The following SH2B1 variants were observed in gnomAD, a reference collection of about 807,000 sequenced individuals.
SH2B1 encodes SH2B adapter protein 1.
SH2B1 carries 15 observed loss-of-function variants against 62.6 expected under a neutral mutation model. That is an observed-to-expected ratio of 0.24 (90% CI 0.16 to 0.37). The LOEUF (loss-of-function observed/expected upper bound fraction) is 0.37, where lower values mean the gene tolerates loss of function less well. SH2B1 is among the 10% of genes least tolerant of loss of function. The pLI is 1.00. For synonymous variants in SH2B1, 443 were observed against 438.0 expected (o/e 1.01, Z -0.14); for missense variants, 925 against 1,015.6 (o/e 0.91, Z 1.21).
upstream of SH2B1, chr16:28,863,346 G>GTA (rs897218379): frequency 4.6e-5 from 11 of 240,692 alleles, no homozygotes; most frequent in South Asian, 1.3e-4. Context: ...AACCAAGGTC[G>GTA]TAAGTTCAGG....
At chr16:28,853,430 C>G (rs982202533) in intron 1 of SH2B1, among the ~76,000 whole-genome samples, 1 of 149,974 alleles carries the variant, frequency 6.7e-6, no homozygotes, top group Non-Finnish European at 1.5e-5. Context: ...GTCTCGAACT[C>G]CTGACCTCAT....
At chr16:28,851,826 T>C (rs1596608912) in intron 1 of SH2B1, among the ~76,000 whole-genome samples, 2 of 146,060 alleles carry the variant, frequency 1.4e-5, no homozygotes, top group Admixed American at 1.4e-4. Flanking sequence ...CCCAGCACTT[T>C]GGGAGGCCGA....
chr16:28,865,366 T>G lies in SH2B1; in HGVS notation c.-729T>G. 2.0e-6 allele frequency: 2 copies of G among 985,634 alleles called. No individual in the cohort carries two copies. Among genetic ancestry groups the G allele is most frequent in the African/African-American group, 3.5e-5 (2 of 57,328 alleles). 61.1% of individuals were successfully genotyped at this position (985,634 alleles called of 1,614,324 possible). On this transcript the variant is annotated 5_prime_UTR_variant, in exon 1 of 8. Coordinates refer to ENST00000684370, the MANE Select transcript of SH2B1 (RefSeq NM_001387430.1). ...ACTGTTTTGGTCCATCATGCATCCATCCTCATTAATGAATCGGCCCCCTCC... is the reference window on the plus strand; with the variant it reads ...ACTGTTTTGGTCCATCATGCATCCAGCCTCATTAATGAATCGGCCCCCTCC...
Position 28,866,103 on chromosome 16 carries a change from T to C in SH2B1, c.9T>C (p.Gly3=), listed in dbSNP as rs770542731. 3.2e-6 allele frequency: 5 copies of C among 1,568,530 alleles called. No homozygotes were observed. The highest frequency in any genetic ancestry group is 4.3e-6 in the Non-Finnish European group (5 of 1,160,130). ...ACCTCCTGGGGCCCATCATGAATGG[T>C]GCCCCTTCCCCAGAGGACGGGGCCT... MN[G]APSPEDGASP... Residue 3 remains glycine (G), a synonymous_variant, in exon 1 of 8, where the codon GGT becomes GGC. Coordinates refer to ENST00000684370, the MANE Select transcript of SH2B1 (RefSeq NM_001387430.1). The surrounding 1 kb of genome is among the most constrained non-coding windows in gnomAD (Gnocchi z 6.3).
At chr16:28,859,766 A>G (rs1275849670), upstream of SH2B1, among the ~76,000 whole-genome samples, 5 of 152,042 alleles carry the variant, frequency 3.3e-5, no homozygotes, top group Non-Finnish European at 7.4e-5. Flanking sequence ...GCAGAACTAA[A>G]AGAGACTGAG....
At position 28,873,668 on chromosome 16, in the gene SH2B1, G is replaced by T. The variant is rs370023058; in HGVS notation, c.2119G>T (p.Ala707Ser). 4 of 1,528,760 alleles carry T rather than the reference G, an allele frequency of 2.6e-6. No individual in the cohort carries two copies. Among genetic ancestry groups the T allele is most frequent in the East Asian group, 2.5e-5 (1 of 40,758 alleles). The allele number at this position is 1,528,760 out of a possible 1,614,324, so 94.7% of individuals were successfully genotyped here. A position where few individuals can be genotyped will look rare whatever the true frequency, so the allele number is the denominator to read the frequency against. The change falls in exon 8 of 8, where the codon GCC (alanine) becomes TCC (serine). Residue 707 changes from alanine to serine, a missense_variant. This residue lies in a region of SH2B1 where 185 missense variants were observed against 189.5 expected (regional missense o/e 0.98). Transcript: ENST00000684370. This position sits in a 1 kb window ranked among gnomAD's most constrained non-coding sequence, Gnocchi z 4.2. ...GGTCCCCGTGGTTGAATTGGAAGAG[G>T]CCATAGCCCCAGGCTCAGAGGCCCA... ...ELVPVVELEEAIAPGSEAQGA... is the reference protein window; with the variant it reads ...ELVPVVELEESIAPGSEAQGA...
chr16:28,852,424 TTACA>T (rs1962148521), intron 1 of SH2B1, among the ~76,000 whole-genome samples: 1 of 45,784 alleles, frequency 2.2e-5, no homozygotes, highest in Non-Finnish European at 4.1e-5. Context: ...ATTTATATAT[TTACA>T]TATATATTTA....
chr16:28,855,513 G>C (rs893211344), intron 1 of SH2B1, among the ~76,000 whole-genome samples: 1 of 152,078 alleles, frequency 6.6e-6, no homozygotes, highest in Non-Finnish European at 1.5e-5. Context: ...GAGCCACCGC[G>C]CCCGGCCCCC....
Position 28,867,425 on chromosome 16 carries a change from T to C in SH2B1, c.1034T>C (p.Val345Ala). 6.2e-7 allele frequency: 1 copy of C among 1,613,068 alleles called. No homozygotes were observed. Among genetic ancestry groups the C allele is most frequent in the Non-Finnish European group, 8.5e-7 (1 of 1,179,066 alleles). The change falls in exon 2 of 8, where the codon GTG becomes GCG. Residue 345 changes from valine to alanine, a missense_variant. Transcript: ENST00000684370. ...LEMPDRENTF[V>A]VKVEGPSEYI... ...ATGCCTGACCGGGAGAACACGTTTG[T>C]GGTTAAGGTAGGAATTCAACTTCCC...
At chr16:28,862,633 T>A (rs1962486032), upstream of SH2B1, 1 of 100,076 alleles carries the variant, frequency 1.0e-5, no homozygotes, top group Middle Eastern at 5.7e-3. Context: ...TTTTTTTTTT[T>A]GATAGGGAGT....
Position 28,865,896 on chromosome 16 carries a change from C to T in SH2B1, c.-199C>T. ...AAGGGAGGTGTTGGGCTCCCTTCCC[C>T]ATTGCTCTCTGCGGAGTCTGAAGTA... On this transcript the variant is annotated 5_prime_UTR_variant, in exon 1 of 8. Coordinates refer to ENST00000684370, the MANE Select transcript of SH2B1 (RefSeq NM_001387430.1). 1 of 1,377,544 alleles carries T rather than the reference C, an allele frequency of 7.3e-7. No homozygotes were observed. The highest frequency in any genetic ancestry group is 9.3e-7 in the Non-Finnish European group (1 of 1,071,064). The allele number at this position is 1,377,544 out of a possible 1,614,324, so 85.3% of individuals were successfully genotyped here.
chr16:28,871,638 C>G, intron 4 of SH2B1, 142 bp from the exon 5 acceptor site: 1 of 692,082 alleles, frequency 1.4e-6, no homozygotes, highest in Non-Finnish European at 2.6e-6. Context: ...GTAAAAGCAT[C>G]AGGGGTCACT....
In SH2B1 at chr16:28,852,844, ATATAT is replaced by A. The variant is rs376319496; in HGVS notation, c.-301+6018_-301+6022del. On this transcript the variant is annotated intron_variant, in intron 1 of 10. Coordinates refer to the SH2B1 transcript ENST00000322610. ...CATATATATTTATATATATATACAT[ATATAT>A]ATTTTTATATATATTTACATATATA... 5.4e-3 allele frequency among the ~76,000 whole-genome samples: 226 copies of A among 41,620 alleles called. 50 individuals are homozygous for A. Among genetic ancestry groups the A allele is most frequent in the African/African-American group, 7.1e-3 (77 of 10,882 alleles). 27.3% of individuals were successfully genotyped at this position (41,620 alleles called of 152,430 possible).
chr16:28,873,306 C>A lies in SH2B1; in HGVS notation c.1898-141C>A. The stretch of plus-strand genomic sequence containing the variant: ...CCTCCTCTCACCACCGCCCATGATC[C>A]ATCTTCCATGGATGGGGGGTTGCTC... On this transcript the variant is annotated intron_variant, in intron 7 of 7. Transcript: ENST00000684370. This position sits in a 1 kb window ranked among gnomAD's most constrained non-coding sequence, Gnocchi z 4.2. 1 of 1,595,912 alleles carries A rather than the reference C, an allele frequency of 6.3e-7. No homozygotes were observed.
At chr16:28,857,219 G>A (rs1962338387) in intron 1 of SH2B1, among the ~76,000 whole-genome samples, 1 of 151,264 alleles carries the variant, frequency 6.6e-6, no homozygotes, top group African/African-American at 2.4e-5. Context: ...GGAGATGGAG[G>A]TTGCAGTGAA....
chr16:28,856,290 C>A (rs1272732415), intron 1 of SH2B1, among the ~76,000 whole-genome samples: 49 of 144,656 alleles, frequency 3.4e-4, no homozygotes, highest in African/African-American at 1.0e-3. Flanking sequence ...AAAAAAAAAA[C>A]CACACACACA....
intron 2 of SH2B1, 111 bp downstream of exon 2, chr16:28,867,543 C>G (rs1962785399): frequency 3.9e-6 from 3 of 773,602 alleles, no homozygotes; most frequent in Non-Finnish European, 6.9e-6. Flanking sequence ...TGTCCAGTGC[C>G]TTGAGAGTGT....
At chr16:28,862,119 G>A (rs924799223), upstream of SH2B1, 2 of 152,192 alleles carry the variant, frequency 1.3e-5, no homozygotes, top group African/African-American at 4.8e-5. Flanking sequence ...AGGCCAGCTG[G>A]AGCCGGGTCA....
chr16:28,867,237 C>T (rs763091411), intron 1 of SH2B1, 94 bp from the exon 2 acceptor site: 100 of 1,258,292 alleles, frequency 7.9e-5, no homozygotes, highest in Non-Finnish European at 7.2e-5. Context: ...TCTAACTTCC[C>T]GAGGATGTAG....
Sources: allele counts gnomAD v4.1 joint callset (sites outside exome capture counted in the v4.1 genomes callset), GRCh38; gene constraint gnomAD v4.1.1; regional missense constraint gnomAD v4.1.1; non-coding constraint Gnocchi (gnomAD v3.1); transcripts MANE v1.5; gene names NCBI Gene and HGNC (gene_info 2026-07-23, HGNC 2026-07-21).